Variants in CCDC7 observed in about 807,000 individuals in gnomAD.
The protein encoded by CCDC7 is coiled-coil domain containing 7.
CCDC7 carries 183 observed loss-of-function variants against 196.9 expected under a neutral mutation model. The observed-to-expected ratio is 0.93, with a 90% confidence interval of 0.82 to 1.05. The LOEUF (loss-of-function observed/expected upper bound fraction) is 1.05, where lower values mean the gene tolerates loss of function less well. Among genes scored for constraint, CCDC7 ranks in the 50% least tolerant of loss-of-function variants. The probability of loss-of-function intolerance (pLI) is 0.00; values close to 1 mark genes in which losing one functional copy is unlikely to be tolerated. For synonymous variants in CCDC7, 525 were observed against 484.6 expected (o/e 1.08, Z -1.10); for missense variants, 1,540 against 1,482.2 (o/e 1.04, Z -0.64).
chr10:32,492,087 T>A, intron 9 of CCDC7, 90 bp downstream of exon 10: 2 of 1,288,978 alleles, frequency 1.6e-6, no homozygotes, highest in South Asian at 4.3e-5. Flanking sequence ...ATATGTTCAT[T>A]GAAAAAAGTT....
intron 28 of CCDC7, among the ~76,000 whole-genome samples, chr10:32,750,877 A>C (rs572308006): frequency 1.9e-4 from 29 of 152,370 alleles, no homozygotes; most frequent in African/African-American, 6.7e-4. Context: ...ATAATATTTC[A>C]GAGTAATTTC....
chr10:32,707,569 A>T (rs1011517569), intron 24 of CCDC7, among the ~76,000 whole-genome samples: 24 of 152,224 alleles, frequency 1.6e-4, no homozygotes, highest in Non-Finnish European at 2.5e-4. Flanking sequence ...TATTTATAAA[A>T]CCCCATCGTC....
At chr10:32,491,314 G>C (rs771537489) in intron 8 of CCDC7, among the ~76,000 whole-genome samples, 2 of 152,108 alleles carry the variant, frequency 1.3e-5, no homozygotes, top group Non-Finnish European at 2.9e-5. Context: ...ACTGTCTTCT[G>C]TCATATACTT....
At chr10:32,587,851 A>G (rs2137697404) in intron 18 of CCDC7, among the ~76,000 whole-genome samples, 1 of 152,280 alleles carries the variant, frequency 6.6e-6, no homozygotes, top group Non-Finnish European at 1.5e-5. Flanking sequence ...GAAAATTTTC[A>G]GTCTTTCACA....
intron 28 of CCDC7, among the ~76,000 whole-genome samples, chr10:32,735,361 G>A (rs1300145108): frequency 6.6e-6 from 1 of 152,108 alleles, no homozygotes; most frequent in Admixed American, 6.6e-5. Flanking sequence ...CAGTTTTTGT[G>A]TTTTTAATGC....
intron 24 of CCDC7, among the ~76,000 whole-genome samples, chr10:32,704,183 GT>G (rs2079281769): frequency 6.6e-6 from 1 of 152,016 alleles, no homozygotes; most frequent in African/African-American, 2.4e-5. Context: ...TACAGATGGG[GT>G]TTTGGTGTGG....
chr10:32,831,440 C>A (rs952390390), intron 32 of CCDC7, among the ~76,000 whole-genome samples: 2 of 152,042 alleles, frequency 1.3e-5, no homozygotes, highest in African/African-American at 4.8e-5. Context: ...TTAAAAATAA[C>A]CTTAGCTTAC....
chr10:32,466,148 T>C (rs150605553), intron 5 of CCDC7, among the ~76,000 whole-genome samples: 70 of 152,310 alleles, frequency 4.6e-4, no homozygotes, highest in Non-Finnish European at 6.2e-4. Flanking sequence ...AGTTTTTCAA[T>C]GTTTAAACCC....
upstream of CCDC7, among the ~76,000 whole-genome samples, chr10:32,444,060 T>C (rs928055842): frequency 1.3e-5 from 2 of 152,240 alleles, no homozygotes; most frequent in South Asian, 2.1e-4. Flanking sequence ...ATTTCTTTCA[T>C]TGAAATCATT....
At chr10:32,596,486 A>G (rs972619374) in intron 18 of CCDC7, among the ~76,000 whole-genome samples, 11 of 151,928 alleles carry the variant, frequency 7.2e-5, no homozygotes, top group South Asian at 4.2e-4. Flanking sequence ...ACTCTATCCA[A>G]TTTGCCTGTT....
intron 23 of CCDC7, among the ~76,000 whole-genome samples, chr10:32,694,614 T>C (rs961737226): frequency 6.6e-6 from 1 of 152,194 alleles, no homozygotes; most frequent in Non-Finnish European, 1.5e-5. Flanking sequence ...TCTGTGAATA[T>C]GTATTAACCT....
At chr10:32,521,284 C>T (rs1319736517) in intron 11 of CCDC7, among the ~76,000 whole-genome samples, 1 of 152,116 alleles carries the variant, frequency 6.6e-6, no homozygotes, top group African/African-American at 2.4e-5. Flanking sequence ...AGGGATTACA[C>T]TGAATCTGTA....
intron 23 of CCDC7, among the ~76,000 whole-genome samples, chr10:32,689,662 G>A (rs2141220866): frequency 1.3e-5 from 2 of 152,190 alleles, no homozygotes; most frequent in Middle Eastern, 3.4e-3. Flanking sequence ...CCCCATAGAT[G>A]AATGAATGTC....
At chr10:32,849,701 C>CAA (rs34677799) in intron 39 of CCDC7, among the ~76,000 whole-genome samples, 41 of 80,788 alleles carry the variant, frequency 5.1e-4, no homozygotes, top group East Asian at 5.0e-4. Context: ...GACTCCGTCT[C>CAA]AAAAAAAAAA....
chr10:32,672,519 C>A (rs1053908203), intron 21 of CCDC7, among the ~76,000 whole-genome samples: 9 of 152,156 alleles, frequency 5.9e-5, no homozygotes, highest in Admixed American at 3.3e-4. Flanking sequence ...GTGGTGACTT[C>A]TTTCCCAGTA....
At chr10:32,671,773 G>C (rs2074100934) in intron 21 of CCDC7, among the ~76,000 whole-genome samples, 1 of 152,108 alleles carries the variant, frequency 6.6e-6, no homozygotes, top group Non-Finnish European at 1.5e-5. Context: ...CGCTTGCTGG[G>C]TGGGCTGCTG....
At chr10:32,690,888 C>T (rs1016281127) in intron 23 of CCDC7, among the ~76,000 whole-genome samples, 2 of 152,074 alleles carry the variant, frequency 1.3e-5, no homozygotes, top group Non-Finnish European at 2.9e-5. Flanking sequence ...TGCAGTTGTC[C>T]GAAAGGATAC....
chr10:32,625,345 C>T (rs1182941078), intron 18 of CCDC7, among the ~76,000 whole-genome samples: 1 of 151,424 alleles, frequency 6.6e-6, no homozygotes, highest in Non-Finnish European at 1.5e-5. Flanking sequence ...GGCTCTCTAA[C>T]CTATTTGTTT....
At chr10:32,590,019 C>A (rs2059641377) in intron 18 of CCDC7, among the ~76,000 whole-genome samples, 1 of 152,110 alleles carries the variant, frequency 6.6e-6, no homozygotes. Context: ...TTCAGCTACT[C>A]TGTATCTTTT....
Sources: allele counts gnomAD v4.1 joint callset (sites outside exome capture counted in the v4.1 genomes callset), GRCh38; gene constraint gnomAD v4.1.1; transcripts MANE v1.5; gene names NCBI Gene and HGNC (gene_info 2026-07-23, HGNC 2026-07-21).